EPHA5: variants seen among roughly 807,000 people sequenced by gnomAD.
EPHA5 encodes EPH receptor A5.
In EPHA5, 60 loss-of-function variants were observed where a neutral mutation model predicts 105.0. The observed-to-expected ratio is 0.57, with a 90% CI of 0.46 to 0.71. The LOEUF is 0.71. Among genes scored for constraint, EPHA5 ranks in the 30% least tolerant of loss-of-function variants. EPHA5 has a pLI of 0.00. For synonymous variants in EPHA5, 513 were observed against 449.1 expected, an observed-to-expected ratio of 1.14 and a Z score of -1.80; for missense variants, 1,218 against 1,274.7, an observed-to-expected ratio of 0.96 and a Z score of 0.68.
At chr4:65,368,597 C>T (rs917254228) in intron 8 of EPHA5, among the ~76,000 whole-genome samples, 1 of 152,112 alleles carries the variant, frequency 6.6e-6, no homozygotes, top group Non-Finnish European at 1.5e-5. Context: ...ACTATAAGTG[C>T]CTTCAAAATG....
intron 5 of EPHA5, among the ~76,000 whole-genome samples, chr4:65,448,557 A>T (rs1441944794): frequency 6.6e-6 from 1 of 152,178 alleles, no homozygotes; most frequent in Non-Finnish European, 1.5e-5. Context: ...CTGAGGCAGG[A>T]GAATTGCTTG....
intron 1 of EPHA5, among the ~76,000 whole-genome samples, chr4:65,650,883 A>G (rs1748550960): frequency 6.6e-6 from 1 of 152,148 alleles, no homozygotes; most frequent in Admixed American, 6.5e-5. Flanking sequence ...TCTTACTTCA[A>G]TCTTGTAATA....
At position 65,651,532 on chromosome 4, in the gene EPHA5, T is replaced by C. The variant is rs140954533; in HGVS notation, c.182-8105A>G. ...ATTTAAAAACTAGTCACTTAAATTT[T>C]CACATTATCTTTGAAATGATTCCTA... On this transcript the variant is annotated intron_variant, in intron 1 of 16. Transcript: ENST00000613740. Among the ~76,000 whole-genome samples, 5 of 152,326 alleles carry C rather than the reference T, an allele frequency of 3.3e-5. No individual in the cohort carries two copies. In the East Asian group the frequency reaches 9.6e-4, roughly 29 times the overall value.
chr4:65,523,228 C>A (rs538370715), intron 3 of EPHA5, among the ~76,000 whole-genome samples: 4 of 151,816 alleles, frequency 2.6e-5, no homozygotes, highest in Non-Finnish European at 5.9e-5. Flanking sequence ...TTGCCAGAAG[C>A]CCATGAAAGT....
intron 14 of EPHA5, among the ~76,000 whole-genome samples, chr4:65,341,285 A>G (rs1721691861): frequency 6.6e-6 from 1 of 152,106 alleles, no homozygotes; most frequent in Non-Finnish European, 1.5e-5. Flanking sequence ...AATAATCAGA[A>G]GGTTTAAGAA....
intron 1 of EPHA5, among the ~76,000 whole-genome samples, chr4:65,665,624 A>G (rs998408466): frequency 6.6e-6 from 1 of 152,140 alleles, no homozygotes; most frequent in Non-Finnish European, 1.5e-5. Flanking sequence ...TCCAGATGAC[A>G]ATATTACAAG....
intron 2 of EPHA5, among the ~76,000 whole-genome samples, chr4:65,622,052 G>A (rs74319470): frequency 0.25 from 37,565 of 152,010 alleles, 5,519 homozygotes; most frequent in Middle Eastern, 0.4. Flanking sequence ...AAACTTCGAA[G>A]AGTATTTTAA....
At chr4:65,330,320 G>T (rs144066662) in intron 16 of EPHA5, among the ~76,000 whole-genome samples, 9 of 151,236 alleles carry the variant, frequency 6.0e-5, no homozygotes, top group African/African-American at 2.2e-4. Context: ...TTTGGGGATA[G>T]AGGAGCAGAT....
chr4:65,574,361 CAA>C (rs1047427174), intron 3 of EPHA5: 25 of 839,154 alleles, frequency 3.0e-5, no homozygotes, highest in South Asian at 4.4e-5. Flanking sequence ...TAGCTGACTA[CAA>C]AAAAAAAATA....
chr4:65,414,181 G>GGAGAGT (rs1723172733), intron 7 of EPHA5, 103 bp downstream of exon 7: 2 of 993,324 alleles, frequency 2.0e-6, no homozygotes, highest in Non-Finnish European at 3.1e-6. Context: ...AGAGAGAGAG[G>GGAGAGT]GAGAGTGAGA....
At chr4:65,454,272 C>T (rs1727355183) in intron 5 of EPHA5, among the ~76,000 whole-genome samples, 1 of 151,740 alleles carries the variant, frequency 6.6e-6, no homozygotes, top group African/African-American at 2.4e-5. Flanking sequence ...AAGAGCAAAA[C>T]TCCATCTCTA....
intron 3 of EPHA5, among the ~76,000 whole-genome samples, chr4:65,536,867 A>G (rs1736340400): frequency 6.6e-6 from 1 of 151,816 alleles, no homozygotes; most frequent in Non-Finnish European, 1.5e-5. Flanking sequence ...GGAAATGTAA[A>G]TTAAAATTAA....
chr4:65,340,155 C>T (rs992348392), intron 14 of EPHA5, among the ~76,000 whole-genome samples: 1 of 152,070 alleles, frequency 6.6e-6, no homozygotes, highest in Non-Finnish European at 1.5e-5. Flanking sequence ...TAAAAATATG[C>T]TAGCTGGTAC....
chr4:65,326,268 G>C (rs1420179528), intron 16 of EPHA5, among the ~76,000 whole-genome samples: 3 of 150,952 alleles, frequency 2.0e-5, no homozygotes, highest in Non-Finnish European at 4.4e-5. Flanking sequence ...ACAGCCAAAT[G>C]GGTAACCAAG....
chr4:65,430,178 C>G (rs754940127), intron 5 of EPHA5, among the ~76,000 whole-genome samples: 1 of 151,904 alleles, frequency 6.6e-6, no homozygotes, highest in Non-Finnish European at 1.5e-5. Context: ...ATTTTTTACT[C>G]AAACAGATCA....
intron 3 of EPHA5, among the ~76,000 whole-genome samples, chr4:65,569,231 G>T (rs1017309720): frequency 6.6e-6 from 1 of 151,430 alleles, no homozygotes; most frequent in Non-Finnish European, 1.5e-5. Context: ...AAAATATTTA[G>T]AAAGCCAAAT....
intron 2 of EPHA5, among the ~76,000 whole-genome samples, chr4:65,629,727 T>C (rs2149489463): frequency 6.6e-6 from 1 of 152,288 alleles, no homozygotes; most frequent in South Asian, 2.1e-4. Context: ...CTGCTCTCCT[T>C]AACTGTAGTG....
At chr4:65,524,976 T>A (rs949740684) in intron 3 of EPHA5, among the ~76,000 whole-genome samples, 5 of 151,742 alleles carry the variant, frequency 3.3e-5, no homozygotes, top group Non-Finnish European at 7.4e-5. Flanking sequence ...AAAAGTCACA[T>A]CTTTTTGTGA....
chr4:65,455,623 TTG>T (rs1727503128), intron 5 of EPHA5, among the ~76,000 whole-genome samples: 1 of 152,188 alleles, frequency 6.6e-6, no homozygotes, highest in African/African-American at 2.4e-5. Flanking sequence ...ATTCTGAACT[TTG>T]TTTCTATTTC....
Sources: allele counts gnomAD v4.1 joint callset (sites outside exome capture counted in the v4.1 genomes callset), GRCh38; gene constraint gnomAD v4.1.1; transcripts MANE v1.5; gene names NCBI Gene and HGNC (gene_info 2026-07-23, HGNC 2026-07-21).